HTR1E: variants seen among roughly 807,000 people sequenced by gnomAD.
HTR1E encodes the protein 5-hydroxytryptamine receptor 1E.
HTR1E carries 3 observed loss-of-function variants against 3.4 expected under a neutral mutation model. The ratio of observed to expected loss-of-function variants is 0.89; its 90% CI spans 0.41 to 2.31. HTR1E has a LOEUF of 2.31. Among genes scored for constraint, HTR1E ranks in the 30% most tolerant of loss-of-function variants. The pLI, the probability that HTR1E is intolerant of heterozygous loss-of-function variation, is 0.05. For synonymous variants in HTR1E, 170 were observed against 182.8 expected, an observed-to-expected ratio of 0.93 and a Z score of 0.56; for missense variants, 392 against 467.0, an observed-to-expected ratio of 0.84 and a Z score of 1.48.
intron 1 of HTR1E, among the ~76,000 whole-genome samples, chr6:86,951,206 GATA>G (rs1767235328): frequency 6.6e-6 from 1 of 151,996 alleles, no homozygotes; most frequent in South Asian, 2.1e-4. Context: ...CACTAATACG[GATA>G]ATTTCTTCCT....
chr6:86,986,096 A>G lies in HTR1E; in HGVS notation c.-185-29054A>G, dbSNP rs73753635. Among the ~76,000 whole-genome samples the G allele has an allele frequency of 8.2e-3, 1,254 of 152,310 alleles. 18 individuals are homozygous for G. The highest frequency in any genetic ancestry group is 0.028 in the African/African-American group (1,176 of 41,572). Reference sequence around the variant, plus strand: ...AGACTCTTCACCTCAGAAAACTGTCATTATCTATTCTGTCAGTCCTAAACA... The same window carrying G: ...AGACTCTTCACCTCAGAAAACTGTCGTTATCTATTCTGTCAGTCCTAAACA... On this transcript the variant is annotated intron_variant, in intron 1 of 1. Coordinates refer to ENST00000305344, the MANE Select transcript of HTR1E (RefSeq NM_000865.3).
chr6:86,989,080 T>C (rs1159028421), intron 1 of HTR1E, among the ~76,000 whole-genome samples: 1 of 152,202 alleles, frequency 6.6e-6, no homozygotes, highest in African/African-American at 2.4e-5. Context: ...AGGCTACTTC[T>C]TTCTTGGAAC....
chr6:86,985,755 T>C (rs944295198), intron 1 of HTR1E, among the ~76,000 whole-genome samples: 2 of 152,180 alleles, frequency 1.3e-5, no homozygotes, highest in Non-Finnish European at 2.9e-5. Flanking sequence ...ACCATGGCCA[T>C]CCTTTAGCCC....
intron 1 of HTR1E, among the ~76,000 whole-genome samples, chr6:86,972,878 T>A (rs1317518949): frequency 6.6e-6 from 1 of 152,196 alleles, no homozygotes; most frequent in Non-Finnish European, 1.5e-5. Context: ...TAAATCTGTA[T>A]AACTTTTATC....
At chr6:86,957,287 G>C (rs1261423544) in intron 1 of HTR1E, among the ~76,000 whole-genome samples, 2 of 152,164 alleles carry the variant, frequency 1.3e-5, no homozygotes, top group Non-Finnish European at 1.5e-5. Context: ...GCCTTCTGAG[G>C]TGACTACTTG....
chr6:86,942,237 C>G (rs150422151), intron 1 of HTR1E, among the ~76,000 whole-genome samples: 8 of 152,334 alleles, frequency 5.3e-5, no homozygotes, highest in African/African-American at 1.9e-4. Flanking sequence ...ATTCCAAACT[C>G]ATCCCTCTGA....
intron 1 of HTR1E, among the ~76,000 whole-genome samples, chr6:86,990,021 G>A (rs1767850317): frequency 6.6e-6 from 1 of 152,202 alleles, no homozygotes; most frequent in Non-Finnish European, 1.5e-5. Context: ...ATGGCACTAA[G>A]TGGAAGCCTA....
chr6:87,002,539 T>C (rs1768040253), intron 1 of HTR1E, among the ~76,000 whole-genome samples: 1 of 152,328 alleles, frequency 6.6e-6, no homozygotes, highest in Middle Eastern at 3.4e-3. Context: ...GGGTGCTGAT[T>C]GGTGTGTTTA....
chr6:86,938,876 G>T (rs1768507805), intron 1 of HTR1E, among the ~76,000 whole-genome samples: 2 of 152,138 alleles, frequency 1.3e-5, no homozygotes, highest in Admixed American at 1.3e-4. Flanking sequence ...CATTGCTCCA[G>T]AATATATATT....
At chr6:86,953,130 C>G (rs989014798) in intron 1 of HTR1E, among the ~76,000 whole-genome samples, 1 of 152,164 alleles carries the variant, frequency 6.6e-6, no homozygotes, top group Non-Finnish European at 1.5e-5. Flanking sequence ...GATGCAATTT[C>G]TCTCTTAGTC....
chr6:86,960,724 C>T (rs564069559), intron 1 of HTR1E, among the ~76,000 whole-genome samples: 1 of 152,186 alleles, frequency 6.6e-6, no homozygotes, highest in African/African-American at 2.4e-5. Flanking sequence ...TGGGACAAGT[C>T]ACGTAACCCT....
chr6:86,994,408 A>AG (rs1767909021), intron 1 of HTR1E, among the ~76,000 whole-genome samples: 1 of 152,146 alleles, frequency 6.6e-6, no homozygotes, highest in Non-Finnish European at 1.5e-5. Context: ...ACCTATCAGG[A>AG]GAAAAAAAAA....
chr6:86,979,083 AT>A (rs1767677590), intron 1 of HTR1E, among the ~76,000 whole-genome samples: 1 of 152,222 alleles, frequency 6.6e-6, no homozygotes, highest in African/African-American at 2.4e-5. Flanking sequence ...TAATTTTCAC[AT>A]TGCTATGTCA....
intron 1 of HTR1E, among the ~76,000 whole-genome samples, chr6:86,944,981 T>A (rs886525527): frequency 6.6e-6 from 1 of 152,140 alleles, no homozygotes; most frequent in East Asian, 1.9e-4. Flanking sequence ...TACTGTACTA[T>A]ACTTTTTATC....
chr6:86,970,925 G>C (rs1001937709), intron 1 of HTR1E: 1 of 314,540 alleles, frequency 3.2e-6, no homozygotes, highest in Non-Finnish European at 6.1e-6. Flanking sequence ...CTACAACAGT[G>C]GTTATGGCAA....
chr6:87,001,204 G>A (rs1415537710), intron 1 of HTR1E, among the ~76,000 whole-genome samples: 1 of 151,972 alleles, frequency 6.6e-6, no homozygotes, highest in Non-Finnish European at 1.5e-5. Flanking sequence ...ACCACCTGAG[G>A]AAATCACGTT....
intron 1 of HTR1E, among the ~76,000 whole-genome samples, chr6:86,974,685 T>C (rs546656862): frequency 5.3e-5 from 8 of 150,956 alleles, no homozygotes; most frequent in African/African-American, 2.0e-4. Flanking sequence ...AGTTATTCTT[T>C]TCCCCTGGGT....
chr6:86,959,155 A>G (rs973949806), intron 1 of HTR1E, among the ~76,000 whole-genome samples: 1 of 152,160 alleles, frequency 6.6e-6, no homozygotes, highest in Non-Finnish European at 1.5e-5. Context: ...GGGGAAACTC[A>G]GTCTTTTTTC....
At chr6:87,010,606 C>T (rs1193705926) in intron 1 of HTR1E, among the ~76,000 whole-genome samples, 5 of 144,546 alleles carry the variant, frequency 3.5e-5, no homozygotes, top group South Asian at 2.4e-4. Flanking sequence ...TGGGAAGAGG[C>T]GCTCCTCACT....
Sources: gnomAD v4.1 joint callset for allele counts (sites outside exome capture counted in the v4.1 genomes callset) on GRCh38, gnomAD v4.1.1 for gene constraint, MANE v1.5 for transcripts, NCBI Gene and HGNC (gene_info 2026-07-23, HGNC 2026-07-21) for gene names.